KIRREL3: variants seen among roughly 807,000 people sequenced by gnomAD.
KIRREL3 encodes kirre like nephrin family adhesion molecule 3, also known as kin of IRRE-like protein 3.
A neutral mutation model predicts 89.7 loss-of-function variants in KIRREL3; 36 were observed. The observed-to-expected ratio is 0.40, with a 90% CI of 0.31 to 0.53. KIRREL3 has a LOEUF of 0.53. Among genes scored for constraint, KIRREL3 ranks in the 20% least tolerant of loss-of-function variants. KIRREL3 has a pLI of 0.49. For synonymous variants in KIRREL3, 445 were observed against 441.4 expected, an observed-to-expected ratio of 1.01 and a Z score of -0.10; for missense variants, 864 against 1,056.6, an observed-to-expected ratio of 0.82 and a Z score of 2.53.
intron 1 of KIRREL3, among the ~76,000 whole-genome samples, chr11:126,730,963 T>A (rs952737413): frequency 6.6e-6 from 1 of 151,982 alleles, no homozygotes; most frequent in South Asian, 2.1e-4. Context: ...ATGGTCTCCA[T>A]CTCCTGACCT....
Position 126,788,799 on chromosome 11 carries a change from T to C in KIRREL3, c.55+211656A>G, listed in dbSNP as rs912759342. Among the ~76,000 whole-genome samples the C allele has an allele frequency of 2.0e-5, 3 of 152,208 alleles. No homozygotes were observed. Among genetic ancestry groups the C allele is most frequent in the African/African-American group, 4.8e-5 (2 of 41,456 alleles). On this transcript the variant is annotated intron_variant, in intron 1 of 16. Transcript: ENST00000525144. This position sits in a 1 kb window ranked among gnomAD's most constrained non-coding sequence, Gnocchi z 4.1. ...GCTGCATGTTGTATTATCCGCATCATAGGGCAAGGAGAGAGAAATAATAGA... is the reference window on the plus strand; with the variant it reads ...GCTGCATGTTGTATTATCCGCATCACAGGGCAAGGAGAGAGAAATAATAGA...
intron 4 of KIRREL3, among the ~76,000 whole-genome samples, chr11:126,488,936 T>C (rs941931351): frequency 6.6e-6 from 1 of 152,218 alleles, no homozygotes; most frequent in African/African-American, 2.4e-5. Context: ...CACAGCCACA[T>C]AGCCACGGGC....
At chr11:126,442,562 C>T (rs907099014) in intron 10 of KIRREL3, among the ~76,000 whole-genome samples, 2 of 152,186 alleles carry the variant, frequency 1.3e-5, no homozygotes, top group Admixed American at 6.5e-5. Context: ...AATTTCTTTC[C>T]CAAAGGACTG....
intron 1 of KIRREL3, among the ~76,000 whole-genome samples, chr11:126,693,666 T>C (rs1946972451): frequency 6.6e-6 from 1 of 151,508 alleles, no homozygotes; most frequent in Non-Finnish European, 1.5e-5. Context: ...TCAGGCTGAG[T>C]TTCCGAAGGG....
chr11:126,880,806 T>C (rs1945468177), intron 1 of KIRREL3, among the ~76,000 whole-genome samples: 1 of 152,234 alleles, frequency 6.6e-6, no homozygotes, highest in Non-Finnish European at 1.5e-5. Flanking sequence ...TGGGAAGGGA[T>C]ATTGTGTATT....
Position 126,941,513 on chromosome 11 carries a change from C to T in KIRREL3, c.55+58942G>A, listed in dbSNP as rs185762335. On this transcript the variant is annotated intron_variant, in intron 1 of 16. Coordinates refer to ENST00000525144, the MANE Select transcript of KIRREL3 (RefSeq NM_032531.4). ...AATCACTCACCAGGTGATTCTCAGG[C>T]AGCCAGCCTCGCATGGTGCATAAAC... 5.1e-3 allele frequency among the ~76,000 whole-genome samples: 770 copies of T among 152,318 alleles called. 6 individuals are homozygous for T. Among genetic ancestry groups the T allele is most frequent in the African/African-American group, 0.017 (698 of 41,566 alleles).
intron 1 of KIRREL3, among the ~76,000 whole-genome samples, chr11:126,662,147 G>C (rs1945433271): frequency 6.6e-6 from 1 of 152,190 alleles, no homozygotes. Flanking sequence ...GTCACCCAGG[G>C]CACACTGGTG....
rs889546500 is a variant in KIRREL3, at chr11:126,985,878, C to A, written c.55+14577G>T. Among the ~76,000 whole-genome samples the A allele has an allele frequency of 1.8e-4, 27 of 152,250 alleles. No individual in the cohort carries two copies. The highest frequency in any genetic ancestry group is 5.8e-4 in the African/African-American group (24 of 41,560). ...GAGTATAAGGCATGTGCCTTCATGACCCCCCTACTGGATGGGAGAGAGTTA... is the reference window on the plus strand; with the variant it reads ...GAGTATAAGGCATGTGCCTTCATGAACCCCCTACTGGATGGGAGAGAGTTA... On this transcript the variant is annotated intron_variant, in intron 1 of 16. Transcript: ENST00000525144. This position sits in a 1 kb window ranked among gnomAD's most constrained non-coding sequence, Gnocchi z 5.3.
chr11:126,432,447 AG>A lies in KIRREL3; in HGVS notation c.1589-922del, dbSNP rs1244950461. On this transcript the variant is annotated intron_variant, in intron 13 of 16. Transcript: ENST00000525144. This position sits in a 1 kb window ranked among gnomAD's most constrained non-coding sequence, Gnocchi z 6.2. ...AGGAATCCATCAGGAATAGAACTAG[AG>A]AATGCTGGGGCAGGGAGAGCTTGGG... 6.6e-6 allele frequency among the ~76,000 whole-genome samples: 1 copy of A among 152,148 alleles called. No individual in the cohort carries two copies. The highest frequency in any genetic ancestry group is 1.5e-5 in the Non-Finnish European group (1 of 68,020).
Position 126,559,297 on chromosome 11 carries a change from A to T in KIRREL3, c.133+3538T>A, listed in dbSNP as rs79117446. On this transcript the variant is annotated intron_variant, in intron 2 of 16. Transcript: ENST00000525144. Reference sequence around the variant, plus strand: ...CAATACCTACCTGACACCTGTGGGGACTTTGTACATTCCTCCATTGTCACT... The same window carrying T: ...CAATACCTACCTGACACCTGTGGGGTCTTTGTACATTCCTCCATTGTCACT... Among the ~76,000 whole-genome samples the T allele has an allele frequency of 3.2e-3, 488 of 152,266 alleles. 1 individual carries two copies. Among genetic ancestry groups the T allele is most frequent in the African/African-American group, 0.011 (451 of 41,532 alleles).
intron 1 of KIRREL3, among the ~76,000 whole-genome samples, chr11:126,660,556 C>T (rs1033954614): frequency 6.6e-6 from 1 of 152,108 alleles, no homozygotes; most frequent in Admixed American, 6.5e-5. Context: ...AGGAAGGGAA[C>T]CCATTGCCTG....
chr11:126,489,319 C>T lies in KIRREL3; in HGVS notation c.434-15853G>A, dbSNP rs938796578. On this transcript the variant is annotated intron_variant, in intron 4 of 16. Transcript: ENST00000525144. This position sits in a 1 kb window ranked among gnomAD's most constrained non-coding sequence, Gnocchi z 5.5. Reference sequence around the variant, plus strand: ...CTCTCCTGCCCCAGCTCAGCCTGCACGGAGCAGGTGCTCAACAGATGAGCA... The same window carrying T: ...CTCTCCTGCCCCAGCTCAGCCTGCATGGAGCAGGTGCTCAACAGATGAGCA... Among the ~76,000 whole-genome samples the T allele has an allele frequency of 2.0e-5, 3 of 152,110 alleles. No homozygotes were observed. The highest frequency in any genetic ancestry group is 3.9e-4 in the East Asian group (2 of 5,188).
chr11:126,455,830 C>A lies in KIRREL3; in HGVS notation c.848+519G>T, dbSNP rs1266415216. On this transcript the variant is annotated intron_variant, in intron 7 of 16. Coordinates refer to ENST00000525144, the MANE Select transcript of KIRREL3 (RefSeq NM_032531.4). This position sits in a 1 kb window ranked among gnomAD's most constrained non-coding sequence, Gnocchi z 6.4. ...CAAAGAAACAAACAAACAAACAAAC[C>A]AACAAACCAAACAGTGGTGCTTTTA... 1.3e-5 allele frequency among the ~76,000 whole-genome samples: 2 copies of A among 151,642 alleles called. No individual in the cohort carries two copies. Among genetic ancestry groups the A allele is most frequent in the South Asian group, 2.1e-4 (1 of 4,802 alleles).
At chr11:126,792,303 C>G (rs780576422) in intron 1 of KIRREL3, among the ~76,000 whole-genome samples, 1 of 152,198 alleles carries the variant, frequency 6.6e-6, no homozygotes, top group Admixed American at 6.5e-5. Context: ...GTGTTGGCAA[C>G]GTTGTAGTCA....
At chr11:126,654,663 T>C (rs1318925993) in intron 1 of KIRREL3, among the ~76,000 whole-genome samples, 2 of 152,156 alleles carry the variant, frequency 1.3e-5, no homozygotes, top group Non-Finnish European at 2.9e-5. Flanking sequence ...CTGGCCCACA[T>C]CCTGAGCCCT....
At position 126,744,239 on chromosome 11, in the gene KIRREL3, C is replaced by CT. The variant is rs58585835; in HGVS notation, c.56-181328dup. Among the ~76,000 whole-genome samples, 80,022 of 147,600 alleles carry CT rather than the reference C, an allele frequency of 0.54. 22,106 individuals are homozygous for CT. The highest frequency in any genetic ancestry group is 0.95 in the East Asian group (4,738 of 5,004). The stretch of plus-strand genomic sequence containing the variant: ...TTGGTTTGTCTTCTGAAACACACAA[C>CT]TTTTTTTTTTTTTATGGGTGGAAAG... On this transcript the variant is annotated intron_variant, in intron 1 of 16. Coordinates refer to ENST00000525144, the MANE Select transcript of KIRREL3 (RefSeq NM_032531.4). This position sits in a 1 kb window ranked among gnomAD's most constrained non-coding sequence, Gnocchi z 4.7.
At chr11:126,499,868 C>A (rs537837141) in intron 4 of KIRREL3, among the ~76,000 whole-genome samples, 3 of 152,174 alleles carry the variant, frequency 2.0e-5, no homozygotes, top group African/African-American at 7.2e-5. Context: ...TTTTATCCTG[C>A]CTGGGATGGT....
rs150251599 is a variant in KIRREL3 at position 126,680,397 on chromosome 11, G to GATATATATATATATATATATATAT, written c.56-117486_56-117485insATATATATATATATATATATATAT. 1.3e-4 allele frequency among the ~76,000 whole-genome samples: 19 copies of GATATATATATATATATATATATAT among 144,114 alleles called. 1 individual carries two copies. Among genetic ancestry groups the GATATATATATATATATATATATAT allele is most frequent in the African/African-American group, 4.5e-4 (17 of 37,626 alleles). The allele number at this position is 144,114 out of a possible 152,430, so 94.5% of individuals were successfully genotyped here. A position where few individuals can be genotyped will look rare whatever the true frequency, so the allele number is the denominator to read the frequency against. ...AATGCTCATCAACTCTTCTACTGGA[G>GATATATATATATATATATATATAT]ATATATATATATATATATACACATA... On this transcript the variant is annotated intron_variant, in intron 1 of 16. Transcript: ENST00000525144.
Position 126,783,887 on chromosome 11 carries a change from T to G in KIRREL3, c.55+216568A>C, listed in dbSNP as rs1950401872. Among the ~76,000 whole-genome samples the G allele has an allele frequency of 6.6e-6, 1 of 152,162 alleles. No homozygotes were observed. The highest frequency in any genetic ancestry group is 1.5e-5 in the Non-Finnish European group (1 of 68,026). On this transcript the variant is annotated intron_variant, in intron 1 of 16. Coordinates refer to ENST00000525144, the MANE Select transcript of KIRREL3 (RefSeq NM_032531.4). The surrounding 1 kb of genome is among the most constrained non-coding windows in gnomAD (Gnocchi z 4.3). The stretch of plus-strand genomic sequence containing the variant: ...TACTATTTCAGCCAGGTGAGCAAGG[T>G]TGGCAGCAACAGTGATGTGCCATGT...
Sources: gnomAD v4.1 joint callset for allele counts (sites outside exome capture counted in the v4.1 genomes callset) on GRCh38, gnomAD v4.1.1 for gene constraint, Gnocchi (gnomAD v3.1) non-coding constraint, MANE v1.5 for transcripts, NCBI Gene and HGNC (gene_info 2026-07-23, HGNC 2026-07-21) for gene names.